CDH4: variants seen among roughly 807,000 people sequenced by gnomAD.
The protein encoded by CDH4 is cadherin 4.
In CDH4, 33 loss-of-function variants were observed where a neutral mutation model predicts 86.0. The observed-to-expected ratio is 0.38, with a 90% CI of 0.29 to 0.51. The LOEUF is 0.51. Among genes scored for constraint, CDH4 ranks in the 20% least tolerant of loss-of-function variants. CDH4 has a pLI of 0.86. For missense variants in CDH4, 1,114 were observed against 1,307.4 expected, an observed-to-expected ratio of 0.85 and a Z score of 2.28; for synonymous variants, 555 against 549.4, an observed-to-expected ratio of 1.01 and a Z score of -0.14.
intron 2 of CDH4, among the ~76,000 whole-genome samples, chr20:61,522,257 C>T (rs968159180): frequency 6.6e-6 from 1 of 152,128 alleles, no homozygotes; most frequent in Non-Finnish European, 1.5e-5. Flanking sequence ...CCAGTGGGCA[C>T]GTGGAGAGGC....
chr20:61,622,103 T>C (rs1210503461), intron 2 of CDH4, among the ~76,000 whole-genome samples: 1 of 152,178 alleles, frequency 6.6e-6, no homozygotes. Context: ...GCTCACTGAA[T>C]GCCAGGGATA....
At chr20:61,801,451 G>A (rs1601002487) in intron 4 of CDH4, among the ~76,000 whole-genome samples, 2 of 152,222 alleles carry the variant, frequency 1.3e-5, no homozygotes, top group Non-Finnish European at 2.9e-5. Flanking sequence ...AAGTGCCGAA[G>A]TAGGTGTTCC....
At chr20:61,825,282 G>A (rs115661110) in intron 4 of CDH4, among the ~76,000 whole-genome samples, 101 of 152,224 alleles carry the variant, frequency 6.6e-4, no homozygotes, top group African/African-American at 2.2e-3. Context: ...GGTGGTGTAC[G>A]CCTGTAGTTC....
intron 4 of CDH4, among the ~76,000 whole-genome samples, chr20:61,794,473 G>A (rs940023471): frequency 6.6e-6 from 1 of 152,216 alleles, no homozygotes; most frequent in Non-Finnish European, 1.5e-5. Context: ...CTGTTCCCAA[G>A]GACATTAATT....
chr20:61,395,726 G>C (rs1315366273), intron 2 of CDH4, among the ~76,000 whole-genome samples: 1 of 152,220 alleles, frequency 6.6e-6, no homozygotes, highest in Non-Finnish European at 1.5e-5. Context: ...ACTGCAGTGA[G>C]CCAAGATGGC....
chr20:61,632,500 A>T (rs950998376), intron 2 of CDH4, among the ~76,000 whole-genome samples: 2 of 152,184 alleles, frequency 1.3e-5, no homozygotes, highest in African/African-American at 4.8e-5. Context: ...TGACTTTCAC[A>T]CAGGGAACCT....
chr20:61,303,621 G>A (rs1425045137), intron 2 of CDH4, among the ~76,000 whole-genome samples: 15 of 152,314 alleles, frequency 9.8e-5, no homozygotes, highest in Non-Finnish European at 2.1e-4. Flanking sequence ...TGCTCTCTCC[G>A]GTGCCAGCTC....
intron 11 of CDH4, among the ~76,000 whole-genome samples, chr20:61,927,009 GT>G (rs1364751150): frequency 4.6e-5 from 7 of 152,238 alleles, no homozygotes; most frequent in African/African-American, 1.7e-4. Flanking sequence ...AACAGAACCT[GT>G]CTGTGCTTCT....
At chr20:61,874,341 G>C (rs780471949) in intron 7 of CDH4, among the ~76,000 whole-genome samples, 60 of 152,292 alleles carry the variant, frequency 3.9e-4, no homozygotes, top group African/African-American at 1.2e-3. Flanking sequence ...TGTGACGAAG[G>C]GGGCATGGAG....
At chr20:61,324,321 A>T (rs957785003) in intron 2 of CDH4, among the ~76,000 whole-genome samples, 2 of 152,098 alleles carry the variant, frequency 1.3e-5, no homozygotes, top group Non-Finnish European at 2.9e-5. Context: ...GCCACAACAA[A>T]TTTTCCCAAA....
intron 2 of CDH4, among the ~76,000 whole-genome samples, chr20:61,521,023 G>T (rs895168132): frequency 6.6e-6 from 1 of 152,156 alleles, no homozygotes; most frequent in Non-Finnish European, 1.5e-5. Context: ...CTGCAGGGGG[G>T]CCCGCACCCA....
chr20:61,889,880 G>A (rs1440137701), intron 7 of CDH4, among the ~76,000 whole-genome samples: 2 of 148,904 alleles, frequency 1.3e-5, no homozygotes, highest in Admixed American at 6.7e-5. Context: ...GATGGTGGAT[G>A]GGTGAGTGAA....
intron 2 of CDH4, chr20:61,738,272 T>G (rs1205534905): frequency 6.6e-6 from 1 of 152,194 alleles, no homozygotes; most frequent in Non-Finnish European, 1.5e-5. Context: ...TTAAAACTAA[T>G]GGAAGTAATT....
At position 61,849,254 on chromosome 20, in the gene CDH4, C is replaced by A. The variant is rs527659523; in HGVS notation, c.733-3500C>A. Among the ~76,000 whole-genome samples, 138 of 152,238 alleles carry A rather than the reference C, an allele frequency of 9.1e-4. 1 individual carries two copies. Among genetic ancestry groups the A allele is most frequent in the South Asian group, 4.1e-4 (2 of 4,820 alleles). On this transcript the variant is annotated intron_variant, in intron 5 of 15. Transcript: ENST00000614565. ...GAAGCCCCTCCCTGCAAGCATCACACTCCTCATCAGACTCCAGTGTGACCC... is the reference window on the plus strand; with the variant it reads ...GAAGCCCCTCCCTGCAAGCATCACAATCCTCATCAGACTCCAGTGTGACCC...
intron 2 of CDH4, among the ~76,000 whole-genome samples, chr20:61,567,210 G>GA (rs1328163865): frequency 2.6e-5 from 4 of 152,200 alleles, no homozygotes; most frequent in African/African-American, 9.7e-5. Context: ...ACCTGTCTCC[G>GA]AGCCCCCCAG....
intron 4 of CDH4, among the ~76,000 whole-genome samples, chr20:61,786,665 G>A (rs915579084): frequency 5.9e-5 from 9 of 152,272 alleles, no homozygotes; most frequent in Admixed American, 3.9e-4. Flanking sequence ...TATTCAATTC[G>A]AATATATTAA....
chr20:61,551,914 C>T (rs750539663), intron 2 of CDH4, among the ~76,000 whole-genome samples: 21 of 152,214 alleles, frequency 1.4e-4, no homozygotes, highest in Non-Finnish European at 2.8e-4. Context: ...TGTGCTGGGA[C>T]AGCTGGACAG....
chr20:61,413,128 GC>G (rs1314781550), intron 2 of CDH4, among the ~76,000 whole-genome samples: 4 of 151,906 alleles, frequency 2.6e-5, no homozygotes, highest in Admixed American at 2.0e-4. Flanking sequence ...GGCACCCAAG[GC>G]CCCCCTTCCC....
intron 2 of CDH4, among the ~76,000 whole-genome samples, chr20:61,359,268 TG>T (rs1208241826): frequency 1.3e-5 from 2 of 152,076 alleles, no homozygotes; most frequent in Middle Eastern, 3.2e-3. Context: ...CCTAGGAGTT[TG>T]GGGGTGGGGG....
Sources: gnomAD v4.1 joint callset for allele counts (sites outside exome capture counted in the v4.1 genomes callset) on GRCh38, gnomAD v4.1.1 for gene constraint, MANE v1.5 for transcripts, NCBI Gene and HGNC (gene_info 2026-07-23, HGNC 2026-07-21) for gene names.